The following MGAT5B variants were observed in gnomAD, a reference collection of about 807,000 sequenced individuals.
The protein encoded by MGAT5B is alpha-1,6-mannosylglycoprotein 6-beta-N-acetylglucosaminyltransferase B.
In MGAT5B, 54 loss-of-function variants were observed where a neutral mutation model predicts 95.1. The ratio of observed to expected loss-of-function variants is 0.57; its 90% CI spans 0.46 to 0.71. The LOEUF (loss-of-function observed/expected upper bound fraction) is 0.71. Ranked by LOEUF, MGAT5B falls within the 30% of genes least tolerant of loss-of-function variation. The pLI is 0.00. For synonymous variants in MGAT5B, 464 were observed against 451.0 expected (o/e 1.03, Z -0.36); for missense variants, 935 against 1,088.6 (o/e 0.86, Z 1.99).
intron 12 of MGAT5B, among the ~76,000 whole-genome samples, chr17:76,936,437 A>G (rs1248906713): frequency 6.6e-6 from 1 of 152,172 alleles, no homozygotes; most frequent in Non-Finnish European, 1.5e-5. Context: ...AATGTCTTTC[A>G]AAGAGAAAAG....
At chr17:76,937,960 T>G in intron 12 of MGAT5B, 28 bp from the exon 13 acceptor site, 2 of 1,609,372 alleles carry the variant, frequency 1.2e-6, no homozygotes. Context: ...TTGCATGTGG[T>G]TCCCATCTCC....
chr17:76,947,914 C>G lies in MGAT5B; in HGVS notation c.2008C>G (p.Leu670Val). ...TGTCCTGGCCCCCAATGCCACCCACCTCGAGTGGGCTCGGAACACCAGCTT... is the reference window on the plus strand; with the variant it reads ...TGTCCTGGCCCCCAATGCCACCCACGTCGAGTGGGCTCGGAACACCAGCTT... The part of the protein sequence containing the change: ...PFVLAPNATH[L>V]EWARNTSLAP... The change falls in exon 17 of 18, where the codon CTC becomes GTC. Residue 670 changes from leucine to valine, a missense_variant. Physicochemically the swap from Leu to Val is conservative, Grantham distance 32. Around this residue, in one of 4 missense-constraint regions of MGAT5B, gnomAD observed 440 missense variants for 523.6 expected, o/e 0.84. Coordinates refer to ENST00000569840, the MANE Select transcript of MGAT5B (RefSeq NM_001199172.2). The G allele has an allele frequency of 6.2e-7, 1 of 1,613,058 alleles. No individual in the cohort carries two copies. Among genetic ancestry groups the G allele is most frequent in the Non-Finnish European group, 8.5e-7 (1 of 1,179,366 alleles).
chr17:76,926,467 A>G, intron 9 of MGAT5B, 130 bp from the exon 10 acceptor site: 1 of 866,130 alleles, frequency 1.2e-6, no homozygotes, highest in Non-Finnish European at 1.7e-6. Flanking sequence ...TCCTAGTCCA[A>G]GTGCTAACAC....
chr17:76,923,026 G>A (rs989960215), intron 8 of MGAT5B, among the ~76,000 whole-genome samples: 4 of 152,196 alleles, frequency 2.6e-5, no homozygotes, highest in African/African-American at 9.6e-5. Flanking sequence ...TAGTCCCTGT[G>A]CTGGCAGCTT....
At chr17:76,881,496 C>G (rs1398779797) in intron 2 of MGAT5B, among the ~76,000 whole-genome samples, 1 of 152,104 alleles carries the variant, frequency 6.6e-6, no homozygotes. Context: ...AGAAGGAGGG[C>G]TGGGGAAGCA....
Position 76,889,981 on chromosome 17 carries a change from G to A in MGAT5B, c.329+7683G>A, listed in dbSNP as rs554299538. ...CCCCAGCTTTTCTGTTGAAGGCAGG[G>A]CGGGACCAGAGACCTTCACTCCCCT... On this transcript the variant is annotated intron_variant, in intron 3 of 17. Coordinates refer to ENST00000569840, the MANE Select transcript of MGAT5B (RefSeq NM_001199172.2). This position sits in a 1 kb window ranked among gnomAD's most constrained non-coding sequence, Gnocchi z 4.4. 6.6e-6 allele frequency among the ~76,000 whole-genome samples: 1 copy of A among 152,362 alleles called. No individual in the cohort carries two copies. Among genetic ancestry groups the A allele is most frequent in the South Asian group, 2.1e-4 (1 of 4,822 alleles).
Position 76,905,386 on chromosome 17 carries a change from C to T in MGAT5B, c.855+53C>T. The T allele has an allele frequency of 1.4e-6, 2 of 1,471,356 alleles. No individual in the cohort carries two copies. Among genetic ancestry groups the T allele is most frequent in the Admixed American group, 2.3e-5 (1 of 42,874 alleles). 91.1% of individuals were successfully genotyped at this position (1,471,356 alleles called of 1,614,324 possible). A position where few individuals can be genotyped will look rare whatever the true frequency, so the allele number is the denominator to read the frequency against. The stretch of plus-strand genomic sequence containing the variant: ...AGGAGCTGAGAAAGCTCAGGGCCCC[C>T]ACTTCTGAGTGGGCATGGAATAGGT... On this transcript the variant is annotated intron_variant, in intron 7 of 17. Transcript: ENST00000569840. The surrounding 1 kb of genome is among the most constrained non-coding windows in gnomAD (Gnocchi z 4.2).
intron 2 of MGAT5B, among the ~76,000 whole-genome samples, chr17:76,873,632 A>G (rs1486197185): frequency 6.6e-6 from 1 of 152,070 alleles, no homozygotes; most frequent in African/African-American, 2.4e-5. Flanking sequence ...TTGGTGCCAC[A>G]TGGCACAAGA....
At chr17:76,928,350 T>G (rs1267778836) in intron 10 of MGAT5B, among the ~76,000 whole-genome samples, 2 of 152,000 alleles carry the variant, frequency 1.3e-5, no homozygotes, top group East Asian at 3.9e-4. Flanking sequence ...ATGATGGTGC[T>G]CCGGGCTGTG....
chr17:76,911,115 C>T (rs995743405), intron 8 of MGAT5B, among the ~76,000 whole-genome samples: 2 of 152,200 alleles, frequency 1.3e-5, no homozygotes, highest in African/African-American at 4.8e-5. Flanking sequence ...AGTGTTTGGG[C>T]CCCTGTCTAG....
chr17:76,924,544 CA>C, intron 8 of MGAT5B: 1 of 172,510 alleles, frequency 5.8e-6, no homozygotes, highest in Non-Finnish European at 1.3e-5. Flanking sequence ...TGCAAGACTG[CA>C]CTTTTCTGAG....
chr17:76,902,838 G>T (rs1002366793), intron 4 of MGAT5B, among the ~76,000 whole-genome samples, 168 bp downstream of exon 4: 2 of 138,622 alleles, frequency 1.4e-5, no homozygotes, highest in South Asian at 2.3e-4. Flanking sequence ...ACAACTGGGG[G>T]TTCACTCCCT....
Position 76,904,404 on chromosome 17 carries a change from G to A in MGAT5B, c.672G>A (p.Lys224=). 2 of 1,561,300 alleles carry A rather than the reference G, an allele frequency of 1.3e-6. No homozygotes were observed. Among genetic ancestry groups the A allele is most frequent in the South Asian group, 1.2e-5 (1 of 84,812 alleles). The part of the protein sequence containing the change: ...RNQTAAQRAP[K]PLPKVQAVFR... Reference sequence around the variant, plus strand: ...AGACGGCTGCCCAGAGGGCACCCAAGCCCCTCCCCAAAGTCCAGGTGGGCC... The same window carrying A: ...AGACGGCTGCCCAGAGGGCACCCAAACCCCTCCCCAAAGTCCAGGTGGGCC... Residue 224 remains lysine, a synonymous_variant, in exon 6 of 18, where the codon AAG becomes AAA. Transcript: ENST00000569840.
At chr17:76,935,017 T>G (rs970053318) in intron 12 of MGAT5B, among the ~76,000 whole-genome samples, 2 of 152,134 alleles carry the variant, frequency 1.3e-5, no homozygotes, top group African/African-American at 4.8e-5. Flanking sequence ...GTGAACTTTG[T>G]GCTAAGCGGG....
chr17:76,949,114 CG>C lies in MGAT5B; in HGVS notation c.*277del, dbSNP rs1157021113. The C allele has an allele frequency of 2.0e-6, 1 of 494,750 alleles. No homozygotes were observed. Among genetic ancestry groups the C allele is most frequent in the Non-Finnish European group, 3.6e-6 (1 of 275,598 alleles). The allele number at this position is 494,750 out of a possible 1,614,324, so 30.6% of individuals were successfully genotyped here. ...AGCAGGTGTCGGACTGCTCAGAGTC[CG>C]CATGGCCCAGGAGCAGGTGGTCGGA... On this transcript the variant is annotated 3_prime_UTR_variant, in exon 18 of 18. Transcript: ENST00000569840.
intron 1 of MGAT5B, among the ~76,000 whole-genome samples, chr17:76,871,199 C>T (rs1387995785): frequency 6.6e-6 from 1 of 152,152 alleles, no homozygotes; most frequent in Non-Finnish European, 1.5e-5. Flanking sequence ...AGCTGATTTC[C>T]CCTGGGATCT....
At position 76,870,024 on chromosome 17, in the gene MGAT5B, G is replaced by A. The variant is rs1263635628; in HGVS notation, c.68+927G>A. ...GGGTAGCTGGGCAGCGAGGAAGCTG[G>A]GGGAGTGACCGCCCCGGCGCGGGGG... On this transcript the variant is annotated intron_variant, in intron 1 of 17. Transcript: ENST00000569840. The surrounding 1 kb of genome is among the most constrained non-coding windows in gnomAD (Gnocchi z 5.0). Among the ~76,000 whole-genome samples, 1 of 152,214 alleles carries A rather than the reference G, an allele frequency of 6.6e-6. No individual in the cohort carries two copies. Among genetic ancestry groups the A allele is most frequent in the African/African-American group, 2.4e-5 (1 of 41,466 alleles).
At position 76,882,236 on chromosome 17, in the gene MGAT5B, C is replaced by T. The variant is rs919227938; in HGVS notation, c.267C>T (p.Ala89=). 2 of 1,613,592 alleles carry T rather than the reference C, an allele frequency of 1.2e-6. No homozygotes were observed. The highest frequency in any genetic ancestry group is 1.7e-6 in the Non-Finnish European group (2 of 1,179,962). Residue 89 remains alanine, a synonymous_variant, in exon 3 of 18, where the codon GCC becomes GCT. Coordinates refer to ENST00000569840, the MANE Select transcript of MGAT5B (RefSeq NM_001199172.2). The stretch of plus-strand genomic sequence containing the variant: ...TGGTGAAGCGCATGGACGCACTGGC[C>T]AGGCTGGAGAACAGCAGTGAGCTGC... The part of the protein sequence containing the change: ...ELMVKRMDAL[A]RLENSSELHR...
At position 76,917,624 on chromosome 17, in the gene MGAT5B, G is replaced by A. The variant is rs772899872; in HGVS notation, c.1026-7342G>A. On this transcript the variant is annotated intron_variant, in intron 8 of 17. Coordinates refer to ENST00000569840, the MANE Select transcript of MGAT5B (RefSeq NM_001199172.2). The surrounding 1 kb of genome is among the most constrained non-coding windows in gnomAD (Gnocchi z 6.1). Reference sequence around the variant, plus strand: ...TCCGAATCCAGGATGCAGGGGCTGCGTCTTAGCTTTTGGCCCTCATCTCCC... The same window carrying A: ...TCCGAATCCAGGATGCAGGGGCTGCATCTTAGCTTTTGGCCCTCATCTCCC... Among the ~76,000 whole-genome samples the A allele has an allele frequency of 4.6e-5, 7 of 152,244 alleles. No homozygotes were observed. The highest frequency in any genetic ancestry group is 2.1e-4 in the South Asian group (1 of 4,826).
Sources: allele counts gnomAD v4.1 joint callset (sites outside exome capture counted in the v4.1 genomes callset), GRCh38; gene constraint gnomAD v4.1.1; regional missense constraint gnomAD v4.1.1; non-coding constraint Gnocchi (gnomAD v3.1); transcripts MANE v1.5; gene names NCBI Gene and HGNC (gene_info 2026-07-23, HGNC 2026-07-21).